The following NAV2 variants were observed in gnomAD, a reference collection of about 807,000 sequenced individuals.
NAV2 encodes neuron navigator 2.
NAV2 carries 54 observed loss-of-function variants against 223.2 expected under a neutral mutation model. That is an observed-to-expected ratio of 0.24 (90% CI 0.19 to 0.30). NAV2 has a LOEUF of 0.30. Among genes scored for constraint, NAV2 ranks in the 10% least tolerant of loss-of-function variants. The pLI, the probability that NAV2 is intolerant of heterozygous loss-of-function variation, is 1.00. For synonymous variants in NAV2, 1,279 were observed against 1,239.3 expected (o/e 1.03, Z -0.67); for missense variants, 2,806 against 3,147.5 (o/e 0.89, Z 2.60).
At chr11:19,875,835 G>A (rs1379673650) in intron 4 of NAV2, among the ~76,000 whole-genome samples, 1 of 152,022 alleles carries the variant, frequency 6.6e-6, no homozygotes, top group Non-Finnish European at 1.5e-5. Context: ...TTTCCTTTCT[G>A]GACACCAGCG....
At chr11:20,047,272 T>A (rs913609240) in intron 14 of NAV2, among the ~76,000 whole-genome samples, 2 of 152,244 alleles carry the variant, frequency 1.3e-5, no homozygotes, top group Admixed American at 1.3e-4. Flanking sequence ...TGCATGCAGC[T>A]CCTACGGCTC....
At chr11:20,096,419 C>G (rs957287015) in intron 30 of NAV2, among the ~76,000 whole-genome samples, 1 of 152,162 alleles carries the variant, frequency 6.6e-6, no homozygotes, top group Non-Finnish European at 1.5e-5. Context: ...TGAAGTAAGT[C>G]AACAACTATA....
intron 1 of NAV2, among the ~76,000 whole-genome samples, chr11:19,516,152 G>C (rs1357634201): frequency 6.6e-6 from 1 of 152,138 alleles, no homozygotes; most frequent in African/African-American, 2.4e-5. Flanking sequence ...TTAAAGACTT[G>C]AGATCAAATG....
intron 1 of NAV2, among the ~76,000 whole-genome samples, chr11:19,419,429 C>T (rs1313465208): frequency 3.3e-5 from 5 of 152,100 alleles, no homozygotes; most frequent in African/African-American, 7.2e-5. Flanking sequence ...TTTCCAGCAG[C>T]GTGCATACCT....
At chr11:19,637,983 T>C (rs527380527) in intron 1 of NAV2, among the ~76,000 whole-genome samples, 1 of 152,356 alleles carries the variant, frequency 6.6e-6, no homozygotes, top group South Asian at 2.1e-4. Context: ...ATTGAGTACT[T>C]ACTATGTGCT....
At chr11:20,108,093 A>G (rs1448136170) in intron 36 of NAV2, among the ~76,000 whole-genome samples, 1 of 152,252 alleles carries the variant, frequency 6.6e-6, no homozygotes, top group African/African-American at 2.4e-5. Context: ...GTGCCTGAGA[A>G]GTAGAACCAT....
In NAV2 at chr11:20,114,712, G is replaced by A; in HGVS notation, c.7081G>A (p.Val2361Ile). The A allele has an allele frequency of 6.2e-7, 1 of 1,614,160 alleles. No homozygotes were observed. The highest frequency in any genetic ancestry group is 1.3e-5 in the African/African-American group (1 of 75,048). Residue 2361 changes from valine to isoleucine, a missense_variant, in exon 37 of 38, where the codon GTC (valine) becomes ATC (isoleucine). Val to Ile is a conservative substitution (Grantham distance 29, BLOSUM62 3). Transcript: ENST00000349880. ...PPLLQLRPED[V>I]GFDGYSMPRE... ...CCTGCTGCAGTTACGGCCTGAGGAT[G>A]TCGGCTTCGACGGCTACTCCATGCC...
intron 1 of NAV2, among the ~76,000 whole-genome samples, chr11:19,789,961 T>G (rs1306714862): frequency 3.3e-5 from 5 of 152,190 alleles, no homozygotes; most frequent in Admixed American, 3.3e-4. Flanking sequence ...AAACCCGGAC[T>G]TTGAATCTGG....
At chr11:19,981,320 C>A (rs771381021) in intron 10 of NAV2, 3 of 152,198 alleles carry the variant, frequency 2.0e-5, no homozygotes, top group Non-Finnish European at 4.4e-5. Context: ...CCACGTTGCA[C>A]CCGGGTGTAG....
intron 5 of NAV2, among the ~76,000 whole-genome samples, chr11:19,882,248 A>G (rs1317262587): frequency 6.6e-6 from 1 of 152,208 alleles, no homozygotes; most frequent in African/African-American, 2.4e-5. Context: ...GGCCAAGGTA[A>G]TAGAAGCAAA....
At chr11:19,514,122 G>A (rs2043365516) in intron 1 of NAV2, among the ~76,000 whole-genome samples, 1 of 152,110 alleles carries the variant, frequency 6.6e-6, no homozygotes, top group African/African-American at 2.4e-5. Context: ...CTTTTACAAT[G>A]CTAAGATTTG....
chr11:20,100,133 C>A (rs1365739353), intron 31 of NAV2, among the ~76,000 whole-genome samples: 7 of 152,096 alleles, frequency 4.6e-5, no homozygotes, highest in Admixed American at 4.6e-4. Flanking sequence ...TTGAGAGTAC[C>A]TTTTAACAAT....
intron 10 of NAV2, among the ~76,000 whole-genome samples, chr11:19,966,302 A>T (rs2048765689): frequency 6.6e-6 from 1 of 152,158 alleles, no homozygotes. Context: ...ACCCAGTGTG[A>T]TATACACGGC....
chr11:19,607,274 C>A (rs2046503287), intron 1 of NAV2, among the ~76,000 whole-genome samples: 1 of 152,214 alleles, frequency 6.6e-6, no homozygotes, highest in Non-Finnish European at 1.5e-5. Flanking sequence ...CACTGTCTGC[C>A]TTTGAAACGG....
intron 1 of NAV2, among the ~76,000 whole-genome samples, chr11:19,826,635 C>G (rs2059648336): frequency 6.6e-6 from 1 of 152,120 alleles, no homozygotes; most frequent in South Asian, 2.1e-4. Context: ...TCTTGATTCA[C>G]TTCAAAAAGT....
Position 19,969,201 on chromosome 11 carries a change from A to C in NAV2, c.2646-14924A>C, listed in dbSNP as rs1470955734. ...ACTGCTTTCACTTTTCTAAGAATCA[A>C]ATACAATGGGAAATTTGGCCATGGA... is the stretch of plus-strand genomic sequence containing the variant. On this transcript the variant is annotated intron_variant, in intron 10 of 37. Coordinates refer to ENST00000349880, the MANE Select transcript of NAV2 (RefSeq NM_145117.5). 3.9e-5 allele frequency among the ~76,000 whole-genome samples: 6 copies of C among 152,338 alleles called. No individual in the cohort carries two copies. The South Asian group carries it at 1.2e-3, about 32-fold the overall frequency.
intron 1 of NAV2, among the ~76,000 whole-genome samples, chr11:19,398,131 G>GT (rs1436577618): frequency 2.6e-5 from 4 of 152,162 alleles, no homozygotes; most frequent in African/African-American, 9.7e-5. Context: ...CAATACTGCA[G>GT]GCTGTGTAGA....
rs142573441 is a variant in NAV2, at chr11:19,812,177, C to T, written c.268-20307C>T. ...CCCCACAATTTCTGATTCAATAGGC[C>T]TGGAGTGGGGCCTGATAATCTGCAT... is the stretch of plus-strand genomic sequence containing the variant. On this transcript the variant is annotated intron_variant, in intron 1 of 37. Transcript: ENST00000349880. 4.6e-3 allele frequency among the ~76,000 whole-genome samples: 699 copies of T among 152,000 alleles called. 9 individuals carry two copies. The highest frequency in any genetic ancestry group is 0.016 in the African/African-American group (660 of 41,548).
chr11:19,625,902 G>A (rs1336196699), intron 1 of NAV2, among the ~76,000 whole-genome samples: 1 of 151,960 alleles, frequency 6.6e-6, no homozygotes, highest in Non-Finnish European at 1.5e-5. Context: ...CTGTGGAGAT[G>A]TTTGAGTTCC....
Sources: allele counts gnomAD v4.1 joint callset (sites outside exome capture counted in the v4.1 genomes callset), GRCh38; gene constraint gnomAD v4.1.1; transcripts MANE v1.5; gene names NCBI Gene and HGNC (gene_info 2026-07-23, HGNC 2026-07-21).